Variants in RYR2 observed in about 807,000 individuals in gnomAD.
The protein encoded by RYR2 is ryanodine receptor 2, also known as cardiac muscle ryanodine receptor-calcium release channel.
In RYR2, 227 loss-of-function variants were observed where a neutral mutation model predicts 601.1. That is an observed-to-expected ratio of 0.38 (90% confidence interval 0.34 to 0.42). RYR2 has a LOEUF of 0.42. RYR2 is among the 10% of genes least tolerant of loss of function. The pLI, the probability that RYR2 is intolerant of heterozygous loss-of-function variation, is 1.00. For missense variants in RYR2, 4,646 were observed against 6,156.5 expected, an observed-to-expected ratio of 0.75 and a Z score of 8.21; for synonymous variants, 2,223 against 2,175.1, an observed-to-expected ratio of 1.02 and a Z score of -0.61.
In RYR2 at chr1:237,530,508, G is replaced by T. The variant is rs768807940; in HGVS notation, c.2904G>T (p.Lys968Asn). ...EDKVKKMKLPKNYQLTSGYKP... is the reference protein window; with the variant it reads ...EDKVKKMKLPNNYQLTSGYKP... ...AGGTGAAAAAAATGAAGCTACCCAAGAAGTAAGTTGAATGACTAAGCAATA... is the reference window on the plus strand; with the variant it reads ...AGGTGAAAAAAATGAAGCTACCCAATAAGTAAGTTGAATGACTAAGCAATA... The change falls in exon 25 of 105, where the codon AAG becomes AAT. Residue 968 changes from lysine (K) to asparagine (N), a missense_variant and splice_region_variant. Lys to Asn is a moderately conservative substitution (Grantham distance 94). Coordinates refer to ENST00000366574, the MANE Select transcript of RYR2 (RefSeq NM_001035.3). 6.3e-7 allele frequency: 1 copy of T among 1,592,282 alleles called. No individual in the cohort carries two copies.
In RYR2 at chr1:237,631,436, G is replaced by T. The variant is rs1402684087; in HGVS notation, c.6450G>T (p.Met2150Ile). ...KLMIRGLGDI[M>I]NNKVFYQHPN... ...CCATTGTCCTTTCTAGGGATATTAT[G>T]AATAACAAAGTGTTTTACCAGCACC... Residue 2150 changes from methionine to isoleucine, a missense_variant, in exon 42 of 105, where the codon ATG becomes ATT. Physicochemically the swap from Met to Ile is conservative, Grantham distance 10 (BLOSUM62 1). This residue lies in a region of RYR2 where 137 missense variants were observed against 273.6 expected (regional missense o/e 0.50). Transcript: ENST00000366574. The T allele has an allele frequency of 6.2e-7, 1 of 1,610,428 alleles. No individual in the cohort carries two copies. Among genetic ancestry groups the T allele is most frequent in the Admixed American group, 1.7e-5 (1 of 59,894 alleles).
Position 237,336,750 on chromosome 1 carries a change from G to A in RYR2, c.273+5768G>A, listed in dbSNP as rs1220756758. Among the ~76,000 whole-genome samples, 7 of 151,962 alleles carry A rather than the reference G, an allele frequency of 4.6e-5. No homozygotes were observed. The East Asian group carries it at 5.8e-4, about 13-fold the overall frequency. On this transcript the variant is annotated intron_variant, in intron 3 of 104. Transcript: ENST00000366574. ...CGCACACCTGTAATCCCAGCTACTCGGGAGGCTGAAGCAAGAGAATCGCTT... is the reference window on the plus strand; with the variant it reads ...CGCACACCTGTAATCCCAGCTACTCAGGAGGCTGAAGCAAGAGAATCGCTT...
At chr1:237,151,994 T>C (rs1314658891) in intron 1 of RYR2, among the ~76,000 whole-genome samples, 4 of 152,134 alleles carry the variant, frequency 2.6e-5, no homozygotes, top group South Asian at 4.2e-4. Flanking sequence ...TTTGCCCTGA[T>C]GCTCTCTCTC....
intron 1 of RYR2, among the ~76,000 whole-genome samples, chr1:237,043,311 G>T (rs1660157803): frequency 6.6e-6 from 1 of 152,188 alleles, no homozygotes. Flanking sequence ...GCGCGCGCGC[G>T]GGTGGTGGTG....
intron 1 of RYR2, among the ~76,000 whole-genome samples, chr1:237,082,654 G>A (rs1326690997): frequency 6.7e-6 from 1 of 150,342 alleles, no homozygotes; most frequent in Non-Finnish European, 1.5e-5. Flanking sequence ...GTTAACCCAC[G>A]AAGCCTTGGC....
At chr1:237,381,322 T>C (rs375219215) in intron 8 of RYR2, among the ~76,000 whole-genome samples, 144 of 148,446 alleles carry the variant, frequency 9.7e-4, no homozygotes, top group African/African-American at 3.4e-3. Context: ...GAAGAGATAG[T>C]TGGGAAAGAA....
chr1:237,107,028 G>A (rs1668758922), intron 1 of RYR2, among the ~76,000 whole-genome samples: 1 of 152,118 alleles, frequency 6.6e-6, no homozygotes, highest in Non-Finnish European at 1.5e-5. Flanking sequence ...ACAAAGGGAG[G>A]TTAATTTGGA....
chr1:237,294,651 G>A (rs1234829924), intron 2 of RYR2, among the ~76,000 whole-genome samples: 2 of 151,980 alleles, frequency 1.3e-5, no homozygotes, highest in African/African-American at 4.8e-5. Context: ...TTGCAAATAT[G>A]TGTGTGTGTA....
intron 1 of RYR2, among the ~76,000 whole-genome samples, chr1:237,063,566 G>A (rs1216638184): frequency 6.6e-6 from 1 of 151,172 alleles, no homozygotes; most frequent in African/African-American, 2.4e-5. Context: ...TGCTCTTCTG[G>A]CTATGTATTT....
intron 14 of RYR2, among the ~76,000 whole-genome samples, chr1:237,451,735 G>A (rs186040698): frequency 2.3e-3 from 350 of 151,920 alleles, no homozygotes; most frequent in Admixed American, 3.4e-3. Context: ...TGAAAGCACC[G>A]TCTTTAAAAT....
intron 54 of RYR2, among the ~76,000 whole-genome samples, chr1:237,659,007 G>A (rs1683512636): frequency 6.6e-6 from 1 of 152,212 alleles, no homozygotes; most frequent in South Asian, 2.1e-4. Flanking sequence ...AGAGGATAAA[G>A]TAGGTTCATC....
intron 1 of RYR2, among the ~76,000 whole-genome samples, chr1:237,198,640 T>C (rs980560614): frequency 6.6e-6 from 1 of 152,124 alleles, no homozygotes; most frequent in African/African-American, 2.4e-5. Flanking sequence ...CCTGGCAATT[T>C]GGCATGAACT....
intron 38 of RYR2, among the ~76,000 whole-genome samples, chr1:237,620,022 T>C (rs1382605246): frequency 6.6e-6 from 1 of 152,146 alleles, no homozygotes; most frequent in Non-Finnish European, 1.5e-5. Context: ...AAGGAAGAAA[T>C]TAACACTGGG....
chr1:237,750,705 G>A (rs1189721727), intron 80 of RYR2, among the ~76,000 whole-genome samples: 1 of 151,968 alleles, frequency 6.6e-6, no homozygotes, highest in African/African-American at 2.4e-5. Context: ...GACAAAAAAT[G>A]TCCTCAACAA....
At chr1:237,768,901 G>T (rs1348635910) in intron 84 of RYR2, among the ~76,000 whole-genome samples, 1 of 152,128 alleles carries the variant, frequency 6.6e-6, no homozygotes, top group Non-Finnish European at 1.5e-5. Flanking sequence ...TGTACGGTGT[G>T]TCCTTATATA....
At chr1:237,615,149 C>G (rs892463913) in intron 37 of RYR2, among the ~76,000 whole-genome samples, 2 of 152,068 alleles carry the variant, frequency 1.3e-5, no homozygotes, top group Non-Finnish European at 2.9e-5. Context: ...AGTAGATGCA[C>G]CCATTGTCAC....
intron 99 of RYR2, among the ~76,000 whole-genome samples, chr1:237,806,606 A>G (rs888654301): frequency 2.0e-5 from 3 of 152,218 alleles, no homozygotes; most frequent in African/African-American, 7.2e-5. Flanking sequence ...GAACTTAGTT[A>G]TTATTTTGTT....
intron 100 of RYR2, among the ~76,000 whole-genome samples, chr1:237,811,361 G>T (rs1489168591): frequency 6.6e-6 from 1 of 152,074 alleles, no homozygotes; most frequent in African/African-American, 2.4e-5. Flanking sequence ...GTGTAAAGAA[G>T]TTTTTCTGTA....
intron 100 of RYR2, among the ~76,000 whole-genome samples, chr1:237,810,792 T>C (rs1335105602): frequency 6.6e-6 from 1 of 152,060 alleles, no homozygotes; most frequent in African/African-American, 2.4e-5. Flanking sequence ...TATACAGATA[T>C]GGAGAGATAT....
Sources: allele counts gnomAD v4.1 joint callset (sites outside exome capture counted in the v4.1 genomes callset), GRCh38; gene constraint gnomAD v4.1.1; regional missense constraint gnomAD v4.1.1; transcripts MANE v1.5; gene names NCBI Gene and HGNC (gene_info 2026-07-23, HGNC 2026-07-21).